Variants in SNRNP200 observed in about 807,000 individuals in gnomAD.
SNRNP200 encodes the protein small nuclear ribonucleoprotein U5 subunit 200.
SNRNP200 carries 66 observed loss-of-function variants against 255.2 expected under a neutral mutation model. That is an observed-to-expected ratio of 0.26 (90% CI 0.21 to 0.32). The LOEUF is 0.32. Ranked by LOEUF, SNRNP200 falls within the 10% of genes least tolerant of loss-of-function variation. The probability of loss-of-function intolerance (pLI) is 1.00; values close to 1 mark genes in which losing one functional copy is unlikely to be tolerated. For synonymous variants in SNRNP200, 939 were observed against 1,027.8 expected (o/e 0.91, Z 1.65); for missense variants, 1,585 against 2,749.8 (o/e 0.58, Z 9.47).
At chr2:96,297,323 G>A (rs747381965) in intron 11 of SNRNP200, 40 bp downstream of exon 11, 33 of 1,611,056 alleles carry the variant, frequency 2.0e-5, no homozygotes, top group South Asian at 3.3e-5. Context: ...CAAACCAGGA[G>A]GTGAACTGAG....
intron 43 of SNRNP200, 75 bp downstream of exon 43, chr2:96,276,829 T>C: frequency 7.6e-7 from 1 of 1,317,288 alleles, no homozygotes; most frequent in Non-Finnish European, 1.1e-6. Flanking sequence ...TCAGGGACAG[T>C]GTGCCCTTGT....
At chr2:96,296,815 A>G (rs1006595394) in intron 12 of SNRNP200, 118 bp downstream of exon 12, 1 of 1,545,352 alleles carries the variant, frequency 6.5e-7, no homozygotes, top group East Asian at 2.3e-5. Flanking sequence ...CTACTATTTA[A>G]CCTCTCTTCC....
intron 2 of SNRNP200, among the ~76,000 whole-genome samples, chr2:96,304,158 A>T (rs2063972466): frequency 6.6e-6 from 1 of 152,132 alleles, no homozygotes; most frequent in Non-Finnish European, 1.5e-5. Context: ...ACTTCATCAT[A>T]GGAAAGGGAG....
intron 35 of SNRNP200, chr2:96,279,769 T>G: frequency 1.8e-6 from 1 of 548,922 alleles, no homozygotes; most frequent in Admixed American, 2.8e-5. Context: ...GTAAGGGCCA[T>G]GAATTTGCTG....
chr2:96,300,491 T>G (rs1364545712), intron 5 of SNRNP200, among the ~76,000 whole-genome samples: 1 of 152,242 alleles, frequency 6.6e-6, no homozygotes, highest in Non-Finnish European at 1.5e-5. Context: ...CCGGGCGCAG[T>G]GGCTCACACC....
chr2:96,277,917 G>A lies in SNRNP200; in HGVS notation c.5644C>T (p.Pro1882Ser), dbSNP rs1178063958. The change falls in exon 40 of 45, where the codon CCT becomes TCT. Residue 1882 changes from proline (P) to serine (S), a missense_variant. This residue lies in a region of SNRNP200 where 279 missense variants were observed against 551.2 expected (regional missense o/e 0.51). Coordinates refer to ENST00000323853, the MANE Select transcript of SNRNP200 (RefSeq NM_014014.5). The surrounding 1 kb of genome is among the most constrained non-coding windows in gnomAD (Gnocchi z 4.4). ...AQKVPHKLNNPKFNDPHVKTN... is the reference protein window; with the variant it reads ...AQKVPHKLNNSKFNDPHVKTN... Reference sequence around the variant, plus strand: ...TTGACGTGCGGATCATTGAACTTAGGGTTATTCAGCTTGTGGGGGACCTTC... The same window carrying A: ...TTGACGTGCGGATCATTGAACTTAGAGTTATTCAGCTTGTGGGGGACCTTC... 5.6e-6 allele frequency: 9 copies of A among 1,614,080 alleles called. No homozygotes were observed. Among genetic ancestry groups the A allele is most frequent in the Non-Finnish European group, 7.6e-6 (9 of 1,180,058 alleles).
At position 96,288,575 on chromosome 2, in the gene SNRNP200, G is replaced by A. The variant is rs960987148; in HGVS notation, c.3258+88C>T. 14 of 1,166,002 alleles carry A rather than the reference G, an allele frequency of 1.2e-5. No individual in the cohort carries two copies. In the Admixed American group the frequency reaches 1.4e-4, roughly 11 times the overall value. 72.2% of individuals were successfully genotyped at this position (1,166,002 alleles called of 1,614,324 possible). A position where few individuals can be genotyped will look rare whatever the true frequency, so the allele number is the denominator to read the frequency against. ...GCACTCCTCCCATCTCACTAGGGTC[G>A]GGCCTCCTTTCCCCAGGATGCACAC... On this transcript the variant is annotated intron_variant, in intron 24 of 44. Transcript: ENST00000323853.
At chr2:96,280,815 T>C (rs1032399083) in intron 35 of SNRNP200, among the ~76,000 whole-genome samples, 5 of 151,086 alleles carry the variant, frequency 3.3e-5, no homozygotes, top group Admixed American at 3.3e-4. Flanking sequence ...CCCAAAGTGC[T>C]GGGATTACAG....
Position 96,278,960 on chromosome 2 carries a change from T to C in SNRNP200, c.5172A>G (p.Val1724=). 6.2e-7 allele frequency: 1 copy of C among 1,614,092 alleles called. No individual in the cohort carries two copies. Residue 1724 remains valine, a synonymous_variant, in exon 37 of 45, where the codon GTA becomes GTG. Coordinates refer to ENST00000323853, the MANE Select transcript of SNRNP200 (RefSeq NM_014014.5). This position sits in a 1 kb window ranked among gnomAD's most constrained non-coding sequence, Gnocchi z 6.9. ...GCATACAGTGGTCCAGGTGAGATTC[T>C]ACTGGCAATGGCTCATATAAGAACT... The part of the protein sequence containing the change: ...FKKFLYEPLP[V]ESHLDHCMHD...
chr2:96,298,558 A>G, intron 8 of SNRNP200, 45 bp downstream of exon 8: 1 of 1,592,904 alleles, frequency 6.3e-7, no homozygotes, highest in Non-Finnish European at 8.6e-7. Context: ...TCACACATGC[A>G]CACATATGTA....
At chr2:96,296,810 AT>A in intron 12 of SNRNP200, 119 bp from the exon 13 acceptor site, 2 of 1,533,584 alleles carry the variant, frequency 1.3e-6, no homozygotes, top group Non-Finnish European at 1.8e-6. Context: ...TTATCCTACT[AT>A]TTAACCTCTC....
chr2:96,292,299 C>T (rs1206224370), intron 16 of SNRNP200, among the ~76,000 whole-genome samples: 5 of 152,194 alleles, frequency 3.3e-5, no homozygotes, highest in Admixed American at 6.5e-5. Context: ...GGAAATAAGT[C>T]TGAGACTAGT....
At chr2:96,303,649 G>A (rs1174838714) in intron 2 of SNRNP200, among the ~76,000 whole-genome samples, 2 of 152,096 alleles carry the variant, frequency 1.3e-5, no homozygotes, top group Non-Finnish European at 2.9e-5. Flanking sequence ...CAACATTTTG[G>A]GAGGCCAAGG....
chr2:96,292,031 T>A (rs939657782), intron 16 of SNRNP200, 131 bp from the exon 17 acceptor site: 1 of 998,036 alleles, frequency 1.0e-6, no homozygotes, highest in Non-Finnish European at 1.6e-6. Context: ...CAGGAATGTG[T>A]GCAGGCTCAG....
rs762537435 is a variant in SNRNP200 at position 96,279,500 on chromosome 2, A to G, written c.5084T>C (p.Leu1695Ser). The change falls in exon 36 of 45, where the codon TTG (leucine) becomes TCG (serine). Residue 1695 changes from leucine to serine, a missense_variant. Coordinates refer to ENST00000323853, the MANE Select transcript of SNRNP200 (RefSeq NM_014014.5). ...GACACAGCGCCCCTCATCGTCCTGC[A>G]AAGGGCGGTTGGCGTGGCCCACCAT... ...LQMVGHANRP[L>S]QDDEGRCVIM... 6.2e-7 allele frequency: 1 copy of G among 1,614,186 alleles called. No homozygotes were observed. The highest frequency in any genetic ancestry group is 1.1e-5 in the South Asian group (1 of 91,080).
chr2:96,289,017 C>A lies in SNRNP200; in HGVS notation c.3174+20G>T. ...CACTTAATCCTCATCCTTATCAAAG[C>A]AAAGAGGAGAGGAGCTCACCTTAGC... On this transcript the variant is annotated intron_variant, in intron 23 of 44. Transcript: ENST00000323853. 1 of 1,591,364 alleles carries A rather than the reference C, an allele frequency of 6.3e-7. No homozygotes were observed. The highest frequency in any genetic ancestry group is 8.6e-7 in the Non-Finnish European group (1 of 1,164,448).
chr2:96,286,587 A>G lies in SNRNP200; in HGVS notation c.3829+101T>C, dbSNP rs1407883853. 1 of 1,586,248 alleles carries G rather than the reference A, an allele frequency of 6.3e-7. No homozygotes were observed. Among genetic ancestry groups the G allele is most frequent in the Admixed American group, 1.7e-5 (1 of 58,414 alleles). On this transcript the variant is annotated intron_variant, in intron 28 of 44. Transcript: ENST00000323853. The surrounding 1 kb of genome is among the most constrained non-coding windows in gnomAD (Gnocchi z 4.8). ...TGGAAACCTAGGCAGCATATGTATC[A>G]CTCTGTCCCCAGCAAGGGCAAGCCC...
In SNRNP200 at chr2:96,278,452, C is replaced by T. The variant is rs147233368; in HGVS notation, c.5489-94G>A. 66 of 1,610,518 alleles carry T rather than the reference C, an allele frequency of 4.1e-5. No homozygotes were observed. The highest frequency in any genetic ancestry group is 2.0e-4 in the South Asian group (18 of 90,818). ...CCTGCTGTCCCCTGCAGTGTCATCC[C>T]GCTGACAAACACGGGCGCACCTCTC... On this transcript the variant is annotated intron_variant, in intron 38 of 44. Coordinates refer to ENST00000323853, the MANE Select transcript of SNRNP200 (RefSeq NM_014014.5). This position sits in a 1 kb window ranked among gnomAD's most constrained non-coding sequence, Gnocchi z 6.9.
chr2:96,289,691 A>G lies in SNRNP200; in HGVS notation c.2940+108T>C, dbSNP rs1055916564. On this transcript the variant is annotated intron_variant, in intron 21 of 44. Transcript: ENST00000323853. The stretch of plus-strand genomic sequence containing the variant: ...CCATTTTTCTGCTGTTCTAAGCAAC[A>G]GGTGATTAGATAGGCAGTACTCACA... The G allele has an allele frequency of 9.2e-6, 9 of 982,384 alleles. No individual in the cohort carries two copies. The African/African-American group carries it at 9.5e-5, about 10-fold the overall frequency. The allele number at this position is 982,384 out of a possible 1,614,324, so 60.9% of individuals were successfully genotyped here.
Sources: allele counts gnomAD v4.1 joint callset (sites outside exome capture counted in the v4.1 genomes callset), GRCh38; gene constraint gnomAD v4.1.1; regional missense constraint gnomAD v4.1.1; non-coding constraint Gnocchi (gnomAD v3.1); transcripts MANE v1.5; gene names NCBI Gene and HGNC (gene_info 2026-07-23, HGNC 2026-07-21).